Variants in CACNA1C observed in about 807,000 individuals in gnomAD.
The protein encoded by CACNA1C is calcium voltage-gated channel subunit alpha1 C.
Under a neutral mutation model 229.0 loss-of-function variants are expected in CACNA1C, and 30 were observed. The observed-to-expected ratio is 0.13, with a 90% CI of 0.10 to 0.18. The LOEUF (loss-of-function observed/expected upper bound fraction) is 0.18. Among genes scored for constraint, CACNA1C ranks in the 10% least tolerant of loss-of-function variants. The probability of loss-of-function intolerance (pLI) is 1.00; values close to 1 mark genes in which losing one functional copy is unlikely to be tolerated. For synonymous variants in CACNA1C, 1,114 were observed against 1,132.5 expected, an observed-to-expected ratio of 0.98 and a Z score of 0.33; for missense variants, 1,658 against 2,845.0, an observed-to-expected ratio of 0.58 and a Z score of 9.49.
In CACNA1C at chr12:2,665,755, A is replaced by G. The variant is rs2096056777; in HGVS notation, c.4526+47A>G. 1 of 1,576,890 alleles carries G rather than the reference A, an allele frequency of 6.3e-7. No homozygotes were observed. The highest frequency in any genetic ancestry group is 8.6e-7 in the Non-Finnish European group (1 of 1,159,234). On this transcript the variant is annotated intron_variant, in intron 36 of 46. Coordinates refer to ENST00000399655, the MANE Select transcript of CACNA1C (RefSeq NM_000719.7). The surrounding 1 kb of genome is among the most constrained non-coding windows in gnomAD (Gnocchi z 5.9). ...CTGATTCCCCAAGCTGAGAGAGGGT[A>G]TAGCTGACCATACCTGCAGGAGGGG...
Position 2,633,546 on chromosome 12 carries a change from T to C in CACNA1C, c.3829-751T>C. 3.6e-6 allele frequency: 3 copies of C among 844,378 alleles called. No homozygotes were observed. The Admixed American group carries it at 5.5e-5, about 15-fold the overall frequency. The allele number at this position is 844,378 out of a possible 1,614,324, so 52.3% of individuals were successfully genotyped here. On this transcript the variant is annotated intron_variant, in intron 29 of 46. Coordinates refer to ENST00000399655, the MANE Select transcript of CACNA1C (RefSeq NM_000719.7). The surrounding 1 kb of genome is among the most constrained non-coding windows in gnomAD (Gnocchi z 5.8). ...AGGCAACACGGAGGTGCCTGGACGA[T>C]GATTCTGATGGTGGTGTTGCTCTGT...
intron 1 of CACNA1C, among the ~76,000 whole-genome samples, chr12:2,086,515 A>G (rs75241932): frequency 0.019 from 2,833 of 152,184 alleles, 83 homozygotes; most frequent in African/African-American, 0.064. Flanking sequence ...CTGATCCTGT[A>G]TTAGTTAGGG....
At chr12:2,175,666 T>C (rs900480084) in intron 3 of CACNA1C, among the ~76,000 whole-genome samples, 1 of 152,200 alleles carries the variant, frequency 6.6e-6, no homozygotes, top group Non-Finnish European at 1.5e-5. Context: ...AGATCCATTA[T>C]TTCATTAGGG....
intron 3 of CACNA1C, among the ~76,000 whole-genome samples, chr12:2,371,105 G>C (rs1429106700): frequency 1.3e-5 from 2 of 152,178 alleles, no homozygotes; most frequent in African/African-American, 4.8e-5. Context: ...ATACATAAAG[G>C]GCTACATGAG....
At chr12:2,548,707 C>G (rs1409693375) in intron 9 of CACNA1C, among the ~76,000 whole-genome samples, 1 of 152,202 alleles carries the variant, frequency 6.6e-6, no homozygotes, top group Non-Finnish European at 1.5e-5. Flanking sequence ...TCTCTTCTCA[C>G]CAACCTGGCT....
intron 4 of CACNA1C, among the ~76,000 whole-genome samples, chr12:2,450,848 T>C (rs2099362971): frequency 6.6e-6 from 1 of 152,140 alleles, no homozygotes; most frequent in Non-Finnish European, 1.5e-5. Context: ...GACACAGCCA[T>C]TGTGGACGTC....
chr12:2,340,314 A>G (rs918391654), intron 3 of CACNA1C, among the ~76,000 whole-genome samples: 1 of 152,254 alleles, frequency 6.6e-6, no homozygotes, highest in Non-Finnish European at 1.5e-5. Flanking sequence ...GCCAAAAGGC[A>G]CTTAAGAAAG....
intron 18 of CACNA1C, among the ~76,000 whole-genome samples, chr12:2,591,232 A>G (rs1207584328): frequency 6.6e-6 from 1 of 151,672 alleles, no homozygotes; most frequent in Non-Finnish European, 1.5e-5. Flanking sequence ...TTTTCTTTGC[A>G]GTACCTGGCT....
At chr12:2,271,848 A>T (rs1388900184) in intron 3 of CACNA1C, among the ~76,000 whole-genome samples, 1 of 152,128 alleles carries the variant, frequency 6.6e-6, no homozygotes, top group Admixed American at 6.5e-5. Context: ...GTGAGCTGTG[A>T]TCACACCACT....
At chr12:2,402,048 T>C (rs1281789319) in intron 3 of CACNA1C, among the ~76,000 whole-genome samples, 1 of 152,282 alleles carries the variant, frequency 6.6e-6, no homozygotes, top group African/African-American at 2.4e-5. Flanking sequence ...TCATGCCTCT[T>C]GGCAGAGAAG....
In CACNA1C at chr12:2,666,158, C is replaced by T. The variant is rs2096080301; in HGVS notation, c.4526+450C>T. ...GAGCTGAGATCACACCACTGCACTC[C>T]AGCCTGGGCGACAGAGCAAGACTCC... is the stretch of plus-strand genomic sequence containing the variant. On this transcript the variant is annotated intron_variant, in intron 36 of 46. Transcript: ENST00000399655. The surrounding 1 kb of genome is among the most constrained non-coding windows in gnomAD (Gnocchi z 5.3). Among the ~76,000 whole-genome samples the T allele has an allele frequency of 6.6e-6, 1 of 151,908 alleles. No homozygotes were observed. The highest frequency in any genetic ancestry group is 2.1e-4 in the South Asian group (1 of 4,796).
At position 2,653,708 on chromosome 12, in the gene CACNA1C, A is replaced by C. The variant is rs2095251071; in HGVS notation, c.4075-127A>C. 1 of 747,080 alleles carries C rather than the reference A, an allele frequency of 1.3e-6. No homozygotes were observed. Among genetic ancestry groups the C allele is most frequent in the Admixed American group, 2.0e-5 (1 of 48,926 alleles). The allele number at this position is 747,080 out of a possible 1,614,324, so 46.3% of individuals were successfully genotyped here. A position where few individuals can be genotyped will look rare whatever the true frequency, so the allele number is the denominator to read the frequency against. ...CCCGTAGTCCTGTGGGACTCTTGGA[A>C]GTGTCCCCCGGCCCAAACCGGGCAA... On this transcript the variant is annotated intron_variant, in intron 32 of 46. Coordinates refer to ENST00000399655, the MANE Select transcript of CACNA1C (RefSeq NM_000719.7). This position sits in a 1 kb window ranked among gnomAD's most constrained non-coding sequence, Gnocchi z 4.7.
chr12:2,094,759 ACTGT>A (rs1425457932), intron 1 of CACNA1C, among the ~76,000 whole-genome samples: 1 of 152,104 alleles, frequency 6.6e-6, no homozygotes, highest in Non-Finnish European at 1.5e-5. Context: ...AGTGGCTGGG[ACTGT>A]CTGTGCTTCA....
At chr12:2,325,041 C>G (rs2096227389) in intron 3 of CACNA1C, among the ~76,000 whole-genome samples, 1 of 152,204 alleles carries the variant, frequency 6.6e-6, no homozygotes, top group South Asian at 2.1e-4. Flanking sequence ...AGACCCAGCT[C>G]TGGTTTCAAA....
chr12:2,128,598 A>G (rs2091109460), intron 3 of CACNA1C, among the ~76,000 whole-genome samples: 1 of 152,070 alleles, frequency 6.6e-6, no homozygotes, highest in Admixed American at 6.5e-5. Context: ...TTTTTAGTAG[A>G]GACGGGGTTT....
intron 1 of CACNA1C, among the ~76,000 whole-genome samples, chr12:2,039,601 G>A (rs531294361): frequency 1.3e-5 from 2 of 152,316 alleles, no homozygotes; most frequent in East Asian, 3.9e-4. Context: ...GGGAATACAG[G>A]AGGTAAACAA....
intron 1 of CACNA1C, among the ~76,000 whole-genome samples, chr12:2,088,210 T>A (rs2068503760): frequency 6.6e-6 from 1 of 152,252 alleles, no homozygotes; most frequent in African/African-American, 2.4e-5. Flanking sequence ...CTTTGGTTCT[T>A]GCCTTGAGAC....
intron 13 of CACNA1C, among the ~76,000 whole-genome samples, chr12:2,579,022 C>T (rs975094367): frequency 3.9e-5 from 6 of 152,132 alleles, no homozygotes; most frequent in Non-Finnish European, 5.9e-5. Context: ...CTGAGGGGCT[C>T]CCAGGTCAGG....
rs1046093154 is a variant in CACNA1C at position 2,695,833 on chromosome 12, A to G, written c.*4634A>G. On this transcript the variant is annotated 3_prime_UTR_variant, in exon 47 of 47. Coordinates refer to ENST00000399655, the MANE Select transcript of CACNA1C (RefSeq NM_000719.7). Reference sequence around the variant, plus strand: ...ACTTTTCTTTCTGGAGCCAGATACCAATACAACAGGTGAACGGGTTTCTGC... The same window carrying G: ...ACTTTTCTTTCTGGAGCCAGATACCGATACAACAGGTGAACGGGTTTCTGC... 4.6e-5 allele frequency: 7 copies of G among 152,200 alleles called. No homozygotes were observed. The highest frequency in any genetic ancestry group is 1.0e-4 in the Non-Finnish European group (7 of 68,032). The allele number at this position is 152,200 out of a possible 1,614,324, so 9.4% of individuals were successfully genotyped here. A position where few individuals can be genotyped will look rare whatever the true frequency, so the allele number is the denominator to read the frequency against.
Sources: allele counts gnomAD v4.1 joint callset (sites outside exome capture counted in the v4.1 genomes callset), GRCh38; gene constraint gnomAD v4.1.1; non-coding constraint Gnocchi (gnomAD v3.1); transcripts MANE v1.5; gene names NCBI Gene and HGNC (gene_info 2026-07-23, HGNC 2026-07-21).